Variants in DAB1 observed in about 807,000 individuals in gnomAD.
DAB1 encodes disabled homolog 1.
DAB1 carries 15 observed loss-of-function variants against 64.6 expected under a neutral mutation model. The observed-to-expected ratio is 0.23, with a 90% CI of 0.16 to 0.36. DAB1 has a LOEUF of 0.36. Among genes scored for constraint, DAB1 ranks in the 10% least tolerant of loss-of-function variants. The probability of loss-of-function intolerance (pLI) is 1.00; values close to 1 mark genes in which losing one functional copy is unlikely to be tolerated. For synonymous variants in DAB1, 235 were observed against 251.9 expected (o/e 0.93, Z 0.64); for missense variants, 596 against 706.7 (o/e 0.84, Z 1.78).
intron 7 of DAB1, among the ~76,000 whole-genome samples, chr1:57,636,235 T>C (rs1646055913): frequency 6.6e-6 from 1 of 151,912 alleles, no homozygotes; most frequent in Non-Finnish European, 1.5e-5. Context: ...GGCGGCTCCC[T>C]ACAATTCAGG....
At chr1:57,058,711 T>C (rs1165735183) in intron 9 of DAB1, among the ~76,000 whole-genome samples, 1 of 152,182 alleles carries the variant, frequency 6.6e-6, no homozygotes, top group Non-Finnish European at 1.5e-5. Flanking sequence ...ATTACATAGC[T>C]GAGAAGACCA....
chr1:57,909,001 A>G (rs1017780825), intron 5 of DAB1, among the ~76,000 whole-genome samples: 8 of 152,228 alleles, frequency 5.3e-5, no homozygotes, highest in African/African-American at 1.9e-4. Context: ...TACGTGATAC[A>G]GAGGCATTTC....
intron 9 of DAB1, among the ~76,000 whole-genome samples, chr1:57,041,818 G>T (rs1647827181): frequency 6.6e-6 from 1 of 152,164 alleles, no homozygotes; most frequent in African/African-American, 2.4e-5. Flanking sequence ...CAGAATTGCA[G>T]AATAGAATTA....
At chr1:57,400,552 CT>C (rs60734651) in intron 1 of DAB1, among the ~76,000 whole-genome samples, 4,099 of 137,122 alleles carry the variant, frequency 0.03, 115 homozygotes, top group African/African-American at 0.08. Flanking sequence ...CAGTATCAGT[CT>C]TTTTTTTTTT....
chr1:58,116,738 T>C (rs1480281242), intron 5 of DAB1, among the ~76,000 whole-genome samples: 1 of 152,190 alleles, frequency 6.6e-6, no homozygotes, highest in Non-Finnish European at 1.5e-5. Flanking sequence ...AGTTTTTCAC[T>C]CTATAATTCA....
chr1:57,397,767 A>C (rs1425815487), intron 1 of DAB1, among the ~76,000 whole-genome samples: 1 of 152,220 alleles, frequency 6.6e-6, no homozygotes, highest in Non-Finnish European at 1.5e-5. Flanking sequence ...AACTTAAATC[A>C]ACTACTTCCC....
intron 5 of DAB1, among the ~76,000 whole-genome samples, chr1:58,015,147 T>C (rs564877301): frequency 6.6e-5 from 10 of 152,306 alleles, no homozygotes; most frequent in African/African-American, 2.4e-4. Context: ...ATGGAGTCCA[T>C]GGGCCTGAGA....
chr1:57,610,971 CT>C (rs1239625402), intron 7 of DAB1, among the ~76,000 whole-genome samples: 1 of 152,148 alleles, frequency 6.6e-6, no homozygotes, highest in East Asian at 1.9e-4. Context: ...CTAGTTACTT[CT>C]GGATGCTTAT....
At chr1:57,578,455 C>G (rs369725477) in intron 7 of DAB1, among the ~76,000 whole-genome samples, 2 of 152,350 alleles carry the variant, frequency 1.3e-5, no homozygotes, top group East Asian at 3.9e-4. Flanking sequence ...CTAATGCTTA[C>G]TGCACAGGGC....
At chr1:58,301,757 G>A (rs12117062) in intron 4 of DAB1, among the ~76,000 whole-genome samples, 41,668 of 151,990 alleles carry the variant, frequency 0.27, 7,224 homozygotes, top group Non-Finnish European at 0.4. Flanking sequence ...CCTTGAGTTC[G>A]AATTCTGACT....
intron 4 of DAB1, among the ~76,000 whole-genome samples, chr1:58,217,238 G>A (rs771111565): frequency 1.3e-5 from 2 of 152,180 alleles, no homozygotes; most frequent in East Asian, 3.8e-4. Flanking sequence ...AGTCTACTTG[G>A]CTCCAAAGCT....
At chr1:57,821,425 T>C (rs1198909178), downstream of DAB1, among the ~76,000 whole-genome samples, 1 of 152,218 alleles carries the variant, frequency 6.6e-6, no homozygotes, top group Non-Finnish European at 1.5e-5. Context: ...ATTGGCAGGA[T>C]CTACACTGTC....
intron 4 of DAB1, among the ~76,000 whole-genome samples, chr1:58,300,618 G>A (rs867964440): frequency 0.056 from 2,345 of 41,696 alleles, 39 homozygotes; most frequent in Non-Finnish European, 0.06. Flanking sequence ...GAAAGAGAGA[G>A]AGAGAGAGAG....
At chr1:58,002,116 A>T (rs1646515129) in intron 5 of DAB1, among the ~76,000 whole-genome samples, 1 of 152,184 alleles carries the variant, frequency 6.6e-6, no homozygotes. Flanking sequence ...GGCCACCAGA[A>T]TTGCAAAAAA....
chr1:58,151,939 T>C (rs1003966881), intron 4 of DAB1, among the ~76,000 whole-genome samples: 2 of 152,050 alleles, frequency 1.3e-5, no homozygotes, highest in African/African-American at 4.8e-5. Context: ...GAAGAACAAG[T>C]AGGTCTTTAT....
intron 7 of DAB1, among the ~76,000 whole-genome samples, chr1:57,541,312 G>T (rs989400860): frequency 1.3e-5 from 2 of 151,998 alleles, no homozygotes; most frequent in Admixed American, 6.6e-5. Flanking sequence ...TGTATTTTTA[G>T]TAGAGATGGG....
At chr1:57,560,676 G>GGCTGCTGTGCAA (rs80088366) in intron 7 of DAB1, among the ~76,000 whole-genome samples, 1 of 152,004 alleles carries the variant, frequency 6.6e-6, no homozygotes, top group Non-Finnish European at 1.5e-5. Context: ...AACAGGTCCA[G>GGCTGCTGTGCAA]GCTGCTGTGC....
chr1:57,967,177 T>A (rs1645688132), intron 5 of DAB1, among the ~76,000 whole-genome samples: 1 of 152,154 alleles, frequency 6.6e-6, no homozygotes, highest in Admixed American at 6.5e-5. Flanking sequence ...ACAGCTACAG[T>A]GGGGCTGTCC....
chr1:58,242,403 G>A (rs552987311), intron 4 of DAB1, among the ~76,000 whole-genome samples: 43 of 151,904 alleles, frequency 2.8e-4, no homozygotes, highest in South Asian at 2.7e-3. Flanking sequence ...TAGATATCCC[G>A]GATAAAAAGT....
Sources: allele counts gnomAD v4.1 joint callset (sites outside exome capture counted in the v4.1 genomes callset), GRCh38; gene constraint gnomAD v4.1.1; transcripts MANE v1.5; gene names NCBI Gene and HGNC (gene_info 2026-07-23, HGNC 2026-07-21).